The following NFIA variants were observed in gnomAD, a reference collection of about 807,000 sequenced individuals.
NFIA encodes the protein nuclear factor I A, also known as nuclear factor 1 A-type.
Under a neutral mutation model 62.8 loss-of-function variants are expected in NFIA, and 8 were observed. The ratio of observed to expected loss-of-function variants is 0.13; its 90% CI spans 0.07 to 0.23. NFIA has a LOEUF of 0.23. Ranked by LOEUF, NFIA falls within the 10% of genes least tolerant of loss-of-function variation. The pLI is 1.00. For missense variants in NFIA, 410 were observed against 642.1 expected, an observed-to-expected ratio of 0.64 and a Z score of 3.91; for synonymous variants, 235 against 238.1, an observed-to-expected ratio of 0.99 and a Z score of 0.12.
At chr1:61,153,109 C>T (rs757699401) in intron 2 of NFIA, among the ~76,000 whole-genome samples, 5 of 152,166 alleles carry the variant, frequency 3.3e-5, no homozygotes, top group South Asian at 2.1e-4. Context: ...ATCAATGAAA[C>T]GAGTGTGTTG....
At chr1:61,201,335 G>GT (rs1439973598) in intron 2 of NFIA, among the ~76,000 whole-genome samples, 10 of 151,950 alleles carry the variant, frequency 6.6e-5, no homozygotes, top group Non-Finnish European at 5.9e-5. Context: ...CCTGTTTTCT[G>GT]TTTTTTCATT....
chr1:61,383,296 C>A lies in NFIA; in HGVS notation c.1006C>A (p.Pro336Thr). 6.2e-7 allele frequency: 1 copy of A among 1,614,070 alleles called. No homozygotes were observed. Among genetic ancestry groups the A allele is most frequent in the Non-Finnish European group, 8.5e-7 (1 of 1,179,928 alleles). ...GAAGTCTGGTTTCAGCAGCCCCTCC[C>A]CTTCACAGACCTCCTCCCTGGGAAC... is the stretch of plus-strand genomic sequence containing the variant. ...SEKSGFSSPS[P>T]SQTSSLGTAF... The change falls in exon 7 of 11, where the codon CCT (proline) becomes ACT (threonine). Residue 336 changes from proline (P) to threonine (T), a missense_variant. By Grantham distance (38) the Pro-to-Thr change is conservative (BLOSUM62 -1). This residue lies in a region of NFIA where 298 missense variants were observed against 438.1 expected (regional missense o/e 0.68). Transcript: ENST00000403491.
rs1370422880 is a variant in NFIA at position 61,460,562 on chromosome 1, C to T, written c.*5242C>T. The T allele has an allele frequency of 6.6e-6, 1 of 152,190 alleles. No individual in the cohort carries two copies. The highest frequency in any genetic ancestry group is 6.5e-5 in the Admixed American group (1 of 15,286). 9.4% of individuals were successfully genotyped at this position (152,190 alleles called of 1,614,324 possible). A position where few individuals can be genotyped will look rare whatever the true frequency, so the allele number is the denominator to read the frequency against. On this transcript the variant is annotated 3_prime_UTR_variant, in exon 11 of 11. Coordinates refer to ENST00000403491, the MANE Select transcript of NFIA (RefSeq NM_001134673.4). ...TATCTGAAGAAAAAAACTATATCAACTTTGGTATCTACTTTCCGTTTACTT... is the reference window on the plus strand; with the variant it reads ...TATCTGAAGAAAAAAACTATATCAATTTTGGTATCTACTTTCCGTTTACTT...
intron 2 of NFIA, among the ~76,000 whole-genome samples, chr1:61,153,156 A>G (rs1025883620): frequency 6.6e-6 from 1 of 152,234 alleles, no homozygotes; most frequent in Non-Finnish European, 1.5e-5. Flanking sequence ...GGTGGGTTGA[A>G]TACTGCCGGC....
Position 61,446,896 on chromosome 1 carries a change from G to A in NFIA, c.1513-8407G>A, listed in dbSNP as rs1402791553. Among the ~76,000 whole-genome samples the A allele has an allele frequency of 2.6e-5, 4 of 152,234 alleles. No individual in the cohort carries two copies. The East Asian group carries it at 5.8e-4, about 22-fold the overall frequency. ...AGAATGATTATTACAATGTGGCCAC[G>A]CTCTGCTGAGCTCCGGCCTCCACTC... On this transcript the variant is annotated intron_variant, in intron 10 of 10. Transcript: ENST00000403491.
intron 2 of NFIA, among the ~76,000 whole-genome samples, chr1:61,200,010 GTATATATATATATA>G (rs60422302): frequency 0.019 from 995 of 52,668 alleles, 17 homozygotes; most frequent in Middle Eastern, 0.042. Context: ...ATATATATAT[GTATATATATATATA>G]TATATATATA....
At chr1:61,111,086 A>G (rs1056695953) in intron 2 of NFIA, among the ~76,000 whole-genome samples, 5 of 152,150 alleles carry the variant, frequency 3.3e-5, no homozygotes, top group African/African-American at 1.2e-4. Context: ...CTTTCCTTCT[A>G]TATAAGATGA....
At chr1:61,246,808 T>C (rs987233931) in intron 2 of NFIA, among the ~76,000 whole-genome samples, 1 of 152,196 alleles carries the variant, frequency 6.6e-6, no homozygotes, top group African/African-American at 2.4e-5. Context: ...TGATGTGAAA[T>C]TGGCTCACTG....
intron 2 of NFIA, among the ~76,000 whole-genome samples, chr1:61,217,798 T>G (rs1197944402): frequency 2.0e-5 from 3 of 152,192 alleles, no homozygotes; most frequent in Admixed American, 2.0e-4. Flanking sequence ...AATATAGGCC[T>G]AAAATTAGAC....
At chr1:61,326,416 T>G (rs1660938172) in intron 3 of NFIA, among the ~76,000 whole-genome samples, 1 of 152,174 alleles carries the variant, frequency 6.6e-6, no homozygotes. Flanking sequence ...TTAAACTATA[T>G]TGCTGGAAAT....
rs192068247 is a variant in NFIA at position 61,219,957 on chromosome 1, G to A, written c.560-57563G>A. On this transcript the variant is annotated intron_variant, in intron 2 of 10. Transcript: ENST00000403491. ...CAGCCTGGAGACAGAACGAGACTCC[G>A]TCTCAAAATAAATAAATAAATAAAT... Among the ~76,000 whole-genome samples, 74 of 149,622 alleles carry A rather than the reference G, an allele frequency of 4.9e-4. No homozygotes were observed. In the East Asian group the frequency reaches 8.8e-3, roughly 18 times the overall value.
intron 3 of NFIA, among the ~76,000 whole-genome samples, chr1:61,312,900 C>G (rs1262792496): frequency 1.3e-5 from 2 of 152,110 alleles, no homozygotes; most frequent in African/African-American, 4.8e-5. Context: ...CAAAAAAATA[C>G]TTTTTAGTAA....
At chr1:61,316,889 C>T (rs759574301) in intron 3 of NFIA, among the ~76,000 whole-genome samples, 2 of 152,064 alleles carry the variant, frequency 1.3e-5, no homozygotes, top group African/African-American at 2.4e-5. Context: ...TTTGTATTGA[C>T]GGAAGGAGCT....
At chr1:61,270,254 C>G (rs1323355918) in intron 2 of NFIA, among the ~76,000 whole-genome samples, 1 of 152,156 alleles carries the variant, frequency 6.6e-6, no homozygotes, top group African/African-American at 2.4e-5. Context: ...CACACAACAT[C>G]CTGTTAAGTT....
chr1:61,082,379 C>A, upstream of NFIA: 1 of 678,568 alleles, frequency 1.5e-6, no homozygotes, highest in South Asian at 6.3e-5. Flanking sequence ...CCCCTCCCCC[C>A]CGCGGCGGCG....
At chr1:61,298,458 G>A (rs1358872086) in intron 3 of NFIA, among the ~76,000 whole-genome samples, 1 of 152,104 alleles carries the variant, frequency 6.6e-6, no homozygotes, top group Non-Finnish European at 1.5e-5. Flanking sequence ...TGCAGCATAA[G>A]ACAAAGAAAC....
intron 3 of NFIA, among the ~76,000 whole-genome samples, chr1:61,314,511 T>A (rs1660270584): frequency 6.6e-6 from 1 of 152,220 alleles, no homozygotes; most frequent in African/African-American, 2.4e-5. Flanking sequence ...CCTCTAATAA[T>A]GATAATGCAC....
chr1:61,425,370 T>C (rs1666819760), intron 9 of NFIA, among the ~76,000 whole-genome samples: 1 of 152,246 alleles, frequency 6.6e-6, no homozygotes, highest in South Asian at 2.1e-4. Context: ...CCCTCAATTA[T>C]CTGTGTTTTA....
At chr1:61,192,705 AAAAAAAAAAG>A (rs556339005) in intron 2 of NFIA, among the ~76,000 whole-genome samples, 59 of 73,268 alleles carry the variant, frequency 8.1e-4, no homozygotes, top group African/African-American at 4.9e-3. Flanking sequence ...TCTTGTCTCA[AAAAAAAAAAG>A]AAAAAAAAAG....
Sources: gnomAD v4.1 joint callset for allele counts (sites outside exome capture counted in the v4.1 genomes callset) on GRCh38, gnomAD v4.1.1 for gene constraint, gnomAD v4.1.1 regional missense constraint, MANE v1.5 for transcripts, NCBI Gene and HGNC (gene_info 2026-07-23, HGNC 2026-07-21) for gene names.